The following RBFOX1 variants were observed in gnomAD, a reference collection of about 807,000 sequenced individuals.
RBFOX1 encodes the protein RNA binding protein fox-1 homolog 1.
Under a neutral mutation model 57.7 loss-of-function variants are expected in RBFOX1, and 8 were observed. That is an observed-to-expected ratio of 0.14 (90% CI 0.08 to 0.25). The LOEUF (loss-of-function observed/expected upper bound fraction) is 0.25, where lower values mean the gene tolerates loss of function less well. Among genes scored for constraint, RBFOX1 ranks in the 10% least tolerant of loss-of-function variants. The pLI, the probability that RBFOX1 is intolerant of heterozygous loss-of-function variation, is 1.00. For missense variants in RBFOX1, 611 were observed against 548.5 expected (o/e 1.11, Z -1.14); for synonymous variants, 326 against 222.4 (o/e 1.47, Z -4.15).
chr16:6,597,184 G>A (rs995996228), intron 2 of RBFOX1, among the ~76,000 whole-genome samples: 3 of 152,152 alleles, frequency 2.0e-5, no homozygotes, highest in Non-Finnish European at 4.4e-5. Flanking sequence ...TACTAAGGAC[G>A]ATTCTCTAAT....
chr16:6,769,976 A>T (rs893288418), intron 3 of RBFOX1, among the ~76,000 whole-genome samples: 2 of 152,172 alleles, frequency 1.3e-5, no homozygotes, highest in Admixed American at 6.5e-5. Flanking sequence ...TGCAGGCTAC[A>T]GGTCCTTTAT....
intron 2 of RBFOX1, among the ~76,000 whole-genome samples, chr16:5,526,285 T>TTTA (rs1567193908): frequency 1.7e-5 from 2 of 119,766 alleles, no homozygotes; most frequent in East Asian, 4.0e-4. Flanking sequence ...TTCCACTCCC[T>TTTA]TTATTATTAT....
chr16:6,966,761 GTCTA>G (rs57023399), intron 3 of RBFOX1, among the ~76,000 whole-genome samples: 2,928 of 149,178 alleles, frequency 0.02, 43 homozygotes, highest in Middle Eastern at 0.034. Flanking sequence ...CTGTCTGTCT[GTCTA>G]TCTATCTATC....
chr16:7,378,720 C>G (rs1356523011), intron 4 of RBFOX1, among the ~76,000 whole-genome samples: 6 of 152,148 alleles, frequency 3.9e-5, no homozygotes, highest in Non-Finnish European at 2.9e-5. Flanking sequence ...CCGCCAAACC[C>G]TGGTGAGCTT....
chr16:7,015,445 A>C (rs550547304), intron 3 of RBFOX1, among the ~76,000 whole-genome samples: 1 of 152,320 alleles, frequency 6.6e-6, no homozygotes, highest in African/African-American at 2.4e-5. Context: ...CTGGAGTATA[A>C]GGCACTGAGC....
intron 3 of RBFOX1, among the ~76,000 whole-genome samples, chr16:6,859,174 T>TACATGTATATATAC (rs778753196): frequency 1.5e-5 from 1 of 65,104 alleles, no homozygotes; most frequent in African/African-American, 8.6e-5. Flanking sequence ...CGTATATATA[T>TACATGTATATATAC]GTATATATAT....
At chr16:6,536,196 C>A (rs1205479919) in intron 2 of RBFOX1, among the ~76,000 whole-genome samples, 2 of 152,156 alleles carry the variant, frequency 1.3e-5, no homozygotes, top group Non-Finnish European at 2.9e-5. Context: ...ATAAATGCAA[C>A]CCAAAAATCT....
At chr16:7,034,841 C>CTTTCTTTTTTTTTTTTT (rs2043856073) in intron 3 of RBFOX1, among the ~76,000 whole-genome samples, 2 of 39,166 alleles carry the variant, frequency 5.1e-5, no homozygotes, top group Non-Finnish European at 4.4e-5. Context: ...TTTTTTTTTT[C>CTTTCTTTTTTTTTTTTT]TTTTTTCTTT....
chr16:6,187,107 A>G (rs1482091571), intron 1 of RBFOX1, among the ~76,000 whole-genome samples: 2 of 152,182 alleles, frequency 1.3e-5, no homozygotes, highest in Non-Finnish European at 2.9e-5. Context: ...TATATCAGAG[A>G]GACACTTTTA....
intron 4 of RBFOX1, among the ~76,000 whole-genome samples, chr16:5,971,767 G>T (rs1466964269): frequency 6.6e-6 from 1 of 152,176 alleles, no homozygotes. Flanking sequence ...AATTTTATGT[G>T]TCAAGCTGAC....
chr16:5,486,554 A>C (rs2042634259), intron 2 of RBFOX1, among the ~76,000 whole-genome samples: 2 of 152,216 alleles, frequency 1.3e-5, no homozygotes, highest in Admixed American at 6.5e-5. Context: ...TCCACCTGCC[A>C]GTTACTTGAC....
intron 3 of RBFOX1, among the ~76,000 whole-genome samples, chr16:7,029,851 T>C (rs1176738385): frequency 2.0e-5 from 3 of 152,162 alleles, no homozygotes; most frequent in Non-Finnish European, 4.4e-5. Context: ...GAAAGAATGA[T>C]AACTTGATTC....
At chr16:6,459,646 A>G (rs769113178) in intron 2 of RBFOX1, among the ~76,000 whole-genome samples, 8 of 152,140 alleles carry the variant, frequency 5.3e-5, no homozygotes, top group Non-Finnish European at 1.0e-4. Context: ...TATATGGAAT[A>G]TAGAAAATAC....
At chr16:6,604,285 C>A (rs1009450562) in intron 2 of RBFOX1, among the ~76,000 whole-genome samples, 2 of 151,908 alleles carry the variant, frequency 1.3e-5, no homozygotes, top group Non-Finnish European at 2.9e-5. Flanking sequence ...TAGAAAAAAA[C>A]CTCAATAAAT....
chr16:5,797,694 T>C (rs1453329562), intron 3 of RBFOX1, among the ~76,000 whole-genome samples: 1 of 152,214 alleles, frequency 6.6e-6, no homozygotes, highest in Non-Finnish European at 1.5e-5. Flanking sequence ...CAGATTGTGG[T>C]CAGAGGCCAT....
intron 1 of RBFOX1, among the ~76,000 whole-genome samples, chr16:6,291,889 T>A (rs2077502107): frequency 6.6e-6 from 1 of 152,162 alleles, no homozygotes; most frequent in Non-Finnish European, 1.5e-5. Context: ...CCTTGGTCAT[T>A]TTCCTTGATT....
At chr16:6,483,320 C>G in intron 2 of RBFOX1, 1 of 1,429,036 alleles carries the variant, frequency 7.0e-7, no homozygotes, top group Middle Eastern at 2.6e-4. Flanking sequence ...GCGCTCGGGG[C>G]GTTCTGCACC....
intron 2 of RBFOX1, among the ~76,000 whole-genome samples, chr16:6,404,648 T>C (rs1246931120): frequency 6.6e-6 from 1 of 152,162 alleles, no homozygotes; most frequent in Non-Finnish European, 1.5e-5. Context: ...CATGGACGCA[T>C]CATCCCTTCA....
intron 4 of RBFOX1, among the ~76,000 whole-genome samples, chr16:7,294,944 C>G (rs550477203): frequency 1.3e-5 from 2 of 152,284 alleles, no homozygotes; most frequent in South Asian, 4.1e-4. Flanking sequence ...TTCTTGTGCC[C>G]TCAGTTTCTT....
Sources: gnomAD v4.1 joint callset for allele counts (sites outside exome capture counted in the v4.1 genomes callset) on GRCh38, gnomAD v4.1.1 for gene constraint, MANE v1.5 for transcripts, NCBI Gene and HGNC (gene_info 2026-07-23, HGNC 2026-07-21) for gene names.